SNTB1: variants seen among roughly 807,000 people sequenced by gnomAD.
The protein encoded by SNTB1 is beta-1-syntrophin.
A neutral mutation model predicts 48.9 loss-of-function variants in SNTB1; 36 were observed. The observed-to-expected ratio is 0.74, with a 90% CI of 0.56 to 0.97. SNTB1 has a LOEUF of 0.97. Ranked by LOEUF, SNTB1 falls within the 50% of genes least tolerant of loss-of-function variation. SNTB1 has a pLI of 0.00. For synonymous variants in SNTB1, 299 were observed against 294.6 expected, an observed-to-expected ratio of 1.01 and a Z score of -0.15; for missense variants, 786 against 703.4, an observed-to-expected ratio of 1.12 and a Z score of -1.33.
intron 1 of SNTB1, among the ~76,000 whole-genome samples, chr8:120,771,467 C>T (rs1027471112): frequency 6.6e-6 from 1 of 152,192 alleles, no homozygotes; most frequent in East Asian, 1.9e-4. Flanking sequence ...CATTGCATCA[C>T]AAGTGTTTAA....
chr8:120,736,853 C>T (rs1818951451), intron 1 of SNTB1, among the ~76,000 whole-genome samples: 1 of 152,224 alleles, frequency 6.6e-6, no homozygotes. Flanking sequence ...ATCCTAATCA[C>T]ACCTGGGGGA....
intron 4 of SNTB1, chr8:120,571,313 T>G: frequency 7.8e-7 from 1 of 1,288,384 alleles, no homozygotes; most frequent in Non-Finnish European, 1.0e-6. Context: ...CTTTCTTTGG[T>G]TTCTGTTGCG....
At chr8:120,737,709 T>G (rs908936906) in intron 1 of SNTB1, among the ~76,000 whole-genome samples, 1 of 152,198 alleles carries the variant, frequency 6.6e-6, no homozygotes, top group Non-Finnish European at 1.5e-5. Flanking sequence ...CAGCATGCTC[T>G]CCACCTACCT....
intron 1 of SNTB1, among the ~76,000 whole-genome samples, chr8:120,696,456 G>A (rs904767385): frequency 2.6e-5 from 4 of 152,298 alleles, no homozygotes; most frequent in East Asian, 1.9e-4. Context: ...TATACTTAAT[G>A]ATGTGCCAAG....
chr8:120,683,172 C>T (rs780635030), intron 2 of SNTB1, among the ~76,000 whole-genome samples: 2 of 152,104 alleles, frequency 1.3e-5, no homozygotes, highest in Non-Finnish European at 2.9e-5. Context: ...TGAGCCACCG[C>T]ACCCGGCCTG....
At chr8:120,785,709 C>T (rs931083351) in intron 1 of SNTB1, among the ~76,000 whole-genome samples, 3 of 144,892 alleles carry the variant, frequency 2.1e-5, no homozygotes, top group Non-Finnish European at 3.1e-5. Context: ...CCGCCCACTG[C>T]CTGAGACCCC....
In SNTB1 at chr8:120,693,972, T is replaced by G. The variant is rs1455321826; in HGVS notation, c.572-64A>C. The G allele has an allele frequency of 4.7e-6, 6 of 1,285,416 alleles. No homozygotes were observed. In the East Asian group the frequency reaches 1.2e-4, roughly 25 times the overall value. 79.6% of individuals were successfully genotyped at this position (1,285,416 alleles called of 1,614,324 possible). ...CGGCTGAATTTCTGGGAAGTCTGAT[T>G]GTGTTTCTGAAATAGACTTGCTTTG... On this transcript the variant is annotated intron_variant, in intron 1 of 6. Coordinates refer to ENST00000517992, the MANE Select transcript of SNTB1 (RefSeq NM_021021.4).
At chr8:120,651,949 C>G (rs940659145) in intron 2 of SNTB1, among the ~76,000 whole-genome samples, 2 of 152,160 alleles carry the variant, frequency 1.3e-5, no homozygotes, top group African/African-American at 4.8e-5. Flanking sequence ...ATAACTATCC[C>G]TGGAGGGGTA....
At chr8:120,542,725 C>T (rs929230683) in intron 5 of SNTB1, among the ~76,000 whole-genome samples, 1 of 151,926 alleles carries the variant, frequency 6.6e-6, no homozygotes, top group African/African-American at 2.4e-5. Flanking sequence ...CACACACACA[C>T]ACACGCACAC....
At chr8:120,777,123 T>C (rs566631905) in intron 1 of SNTB1, among the ~76,000 whole-genome samples, 1 of 152,216 alleles carries the variant, frequency 6.6e-6, no homozygotes, top group Non-Finnish European at 1.5e-5. Flanking sequence ...TTTGAAAGAA[T>C]TGCTACTATG....
Position 120,811,309 on chromosome 8 carries a change from C to A in SNTB1, c.535G>T (p.Ala179Ser). 2 of 1,608,926 alleles carry A rather than the reference C, an allele frequency of 1.2e-6. No individual in the cohort carries two copies. The highest frequency in any genetic ancestry group is 8.5e-7 in the Non-Finnish European group (1 of 1,179,490). Reference protein sequence around the residue: ...RDATHDEAVQALKRAGKEVLL... With the variant: ...RDATHDEAVQSLKRAGKEVLL... ...ACTTCCTTGCCCGCGCGCTTCAACG[C>A]CTGCACCGCCTCGTCGTGGGTGGCG... Residue 179 changes from alanine to serine, a missense_variant, in exon 1 of 7, where the codon GCG becomes TCG. By Grantham distance (99) the Ala-to-Ser change is moderately conservative. Coordinates refer to ENST00000517992, the MANE Select transcript of SNTB1 (RefSeq NM_021021.4).
intron 1 of SNTB1, among the ~76,000 whole-genome samples, chr8:120,706,816 T>G (rs989053194): frequency 2.0e-5 from 3 of 152,106 alleles, no homozygotes; most frequent in Non-Finnish European, 4.4e-5. Context: ...CAAATCAAAC[T>G]TGGGGCTCAG....
chr8:120,809,153 G>A (rs999676158), intron 1 of SNTB1, among the ~76,000 whole-genome samples: 1 of 152,160 alleles, frequency 6.6e-6, no homozygotes, highest in Admixed American at 6.5e-5. Context: ...TTGACTTGAT[G>A]GTATTTGATG....
chr8:120,668,229 G>A (rs943595725), intron 2 of SNTB1, among the ~76,000 whole-genome samples: 5 of 152,218 alleles, frequency 3.3e-5, no homozygotes, highest in African/African-American at 1.2e-4. Context: ...CATGGCTTGA[G>A]AGATCAAGGC....
intron 5 of SNTB1, among the ~76,000 whole-genome samples, chr8:120,545,975 G>A (rs938766717): frequency 6.6e-6 from 1 of 152,142 alleles, no homozygotes; most frequent in African/African-American, 2.4e-5. Flanking sequence ...TGTAGATGAG[G>A]AAACTAACAC....
chr8:120,747,846 A>C (rs972341164), intron 1 of SNTB1, among the ~76,000 whole-genome samples: 2 of 152,226 alleles, frequency 1.3e-5, no homozygotes, highest in Admixed American at 1.3e-4. Flanking sequence ...AAAATATAAA[A>C]AAATAGGCAA....
rs191417547 is a variant in SNTB1, at chr8:120,772,447, A to G, written c.571+38826T>C. Among the ~76,000 whole-genome samples the G allele has an allele frequency of 1.3e-3, 203 of 151,848 alleles. 2 individuals are homozygous for G. Among genetic ancestry groups the G allele is most frequent in the Admixed American group, 0.011 (170 of 15,248 alleles). ...TTTTTAGTAGAGACGGGGTTTTACC[A>G]TGTTGGCCAGGCTAGTCTCAAACTC... On this transcript the variant is annotated intron_variant, in intron 1 of 6. Transcript: ENST00000517992.
intron 1 of SNTB1, among the ~76,000 whole-genome samples, chr8:120,774,597 G>A (rs1344114638): frequency 6.6e-6 from 1 of 152,158 alleles, no homozygotes; most frequent in African/African-American, 2.4e-5. Flanking sequence ...TGGGAGCCTG[G>A]TGGCAGATTA....
At chr8:120,542,340 G>A (rs1365271843) in intron 5 of SNTB1, among the ~76,000 whole-genome samples, 1 of 152,162 alleles carries the variant, frequency 6.6e-6, no homozygotes, top group African/African-American at 2.4e-5. Context: ...CTTGTCTCAA[G>A]CCAGAAAAAA....
Sources: allele counts gnomAD v4.1 joint callset (sites outside exome capture counted in the v4.1 genomes callset), GRCh38; gene constraint gnomAD v4.1.1; transcripts MANE v1.5; gene names NCBI Gene and HGNC (gene_info 2026-07-23, HGNC 2026-07-21).